Variants in MCU observed in about 807,000 individuals in gnomAD.
MCU encodes the protein calcium uniporter protein, mitochondrial.
Under a neutral mutation model 45.2 loss-of-function variants are expected in MCU, and 12 were observed. That is an observed-to-expected ratio of 0.27 (90% confidence interval 0.17 to 0.43). The LOEUF (loss-of-function observed/expected upper bound fraction) is 0.43. Ranked by LOEUF, MCU falls within the 20% of genes least tolerant of loss-of-function variation. The pLI is 1.00. For missense variants in MCU, 324 were observed against 436.7 expected (o/e 0.74, Z 2.30); for synonymous variants, 160 against 165.1 (o/e 0.97, Z 0.24).
intron 2 of MCU, among the ~76,000 whole-genome samples, chr10:72,851,731 T>C (rs1589496171): frequency 6.6e-6 from 1 of 150,394 alleles, no homozygotes; most frequent in Admixed American, 6.6e-5. Context: ...AATGGCTTGG[T>C]GTAATCCCTT....
Position 72,834,380 on chromosome 10 carries a change from T to C in MCU, c.172T>C (p.Trp58Arg). 6.2e-7 allele frequency: 1 copy of C among 1,613,982 alleles called. No homozygotes were observed. The highest frequency in any genetic ancestry group is 1.3e-5 in the African/African-American group (1 of 75,056). Residue 58 changes from tryptophan (W) to arginine (R), a missense_variant, in exon 2 of 8, where the codon TGG becomes CGG. By Grantham distance (101) the Trp-to-Arg change is moderately radical. Transcript: ENST00000373053. ...CTAGGTACACCAGAGGATCGCTTCC[T>C]GGCAGAATTTGGGAGCTGTTTATTG... The part of the protein sequence containing the change: ...HRTVHQRIAS[W>R]QNLGAVYCST...
chr10:72,813,162 T>C (rs947936804), intron 1 of MCU, among the ~76,000 whole-genome samples: 74 of 152,142 alleles, frequency 4.9e-4, no homozygotes, highest in African/African-American at 1.7e-3. Context: ...AATGAGAGCT[T>C]TTGGCAAGGC....
At chr10:72,734,815 A>C (rs1843229753) in intron 1 of MCU, among the ~76,000 whole-genome samples, 1 of 151,746 alleles carries the variant, frequency 6.6e-6, no homozygotes, top group Non-Finnish European at 1.5e-5. Flanking sequence ...GACAGGTCTC[A>C]CTATGTTGCC....
intron 1 of MCU, among the ~76,000 whole-genome samples, chr10:72,805,943 G>A (rs1844441661): frequency 6.6e-6 from 1 of 152,162 alleles, no homozygotes; most frequent in Non-Finnish European, 1.5e-5. Flanking sequence ...AATTGAATGA[G>A]GTCTGCAGAA....
chr10:72,839,429 T>G (rs1349620462), intron 2 of MCU, among the ~76,000 whole-genome samples: 1 of 152,164 alleles, frequency 6.6e-6, no homozygotes, highest in Non-Finnish European at 1.5e-5. Context: ...TCTCTGTAGT[T>G]AAACCTTTTC....
At position 72,692,166 on chromosome 10, in the gene MCU, A is replaced by C. The variant is rs777343820; in HGVS notation, c.15A>C (p.Ala5=). 7.8e-7 allele frequency: 1 copy of C among 1,290,256 alleles called. No individual in the cohort carries two copies. Among genetic ancestry groups the C allele is most frequent in the Non-Finnish European group, 9.9e-7 (1 of 1,011,974 alleles). The allele number at this position is 1,290,256 out of a possible 1,614,324, so 79.9% of individuals were successfully genotyped here. Residue 5 remains alanine (A), a synonymous_variant, in exon 1 of 8, where the codon GCA becomes GCC. Transcript: ENST00000373053. The part of the protein sequence containing the change: MAAA[A]GRSLLLLLSS... Reference sequence around the variant, plus strand: ...CCAGTTGAGAGATGGCGGCCGCCGCAGGTAGATCGCTCCTGCTGCTCCTCT... The same window carrying C: ...CCAGTTGAGAGATGGCGGCCGCCGCCGGTAGATCGCTCCTGCTGCTCCTCT...
At chr10:72,826,245 G>A (rs540206165) in intron 1 of MCU, among the ~76,000 whole-genome samples, 2 of 152,098 alleles carry the variant, frequency 1.3e-5, no homozygotes, top group South Asian at 2.1e-4. Flanking sequence ...ACTACATTTC[G>A]AGTAGCCATT....
At chr10:72,824,205 T>TC (rs1314548353) in intron 1 of MCU, among the ~76,000 whole-genome samples, 1 of 151,494 alleles carries the variant, frequency 6.6e-6, no homozygotes, top group East Asian at 1.9e-4. Flanking sequence ...TTCTTTTTTT[T>TC]TTTTTTTTGA....
At chr10:72,757,678 G>A (rs1398153496) in intron 1 of MCU, among the ~76,000 whole-genome samples, 1 of 152,128 alleles carries the variant, frequency 6.6e-6, no homozygotes, top group Non-Finnish European at 1.5e-5. Flanking sequence ...AGAGTTATTT[G>A]ATAATATAAG....
At chr10:72,744,596 C>T (rs1245894124) in intron 1 of MCU, among the ~76,000 whole-genome samples, 2 of 152,210 alleles carry the variant, frequency 1.3e-5, no homozygotes, top group African/African-American at 4.8e-5. Context: ...TGCCACTGCA[C>T]TCCAGCCTGG....
intron 1 of MCU, among the ~76,000 whole-genome samples, chr10:72,701,775 C>T (rs566146205): frequency 4.6e-5 from 7 of 152,114 alleles, no homozygotes; most frequent in Middle Eastern, 6.8e-3. Context: ...TCATGATCTT[C>T]CTGCCTCGGC....
intron 1 of MCU, among the ~76,000 whole-genome samples, chr10:72,710,201 C>T (rs1387295136): frequency 6.6e-6 from 1 of 152,164 alleles, no homozygotes; most frequent in African/African-American, 2.4e-5. Flanking sequence ...TGGTCTTGAT[C>T]TCCTGACCTC....
At chr10:72,692,370 C>T in intron 1 of MCU, 69 bp downstream of exon 1, 5 of 1,125,810 alleles carry the variant, frequency 4.4e-6, no homozygotes, top group Non-Finnish European at 5.5e-6. Context: ...CGCCGGCGGG[C>T]AGGCCGCCGG....
At chr10:72,693,187 T>A in intron 1 of MCU, 1 of 920,644 alleles carries the variant, frequency 1.1e-6, no homozygotes, top group East Asian at 2.6e-5. Context: ...TGTGTGTGTG[T>A]GTGTGTGTGT....
At chr10:72,738,874 A>G (rs1310730211) in intron 1 of MCU, among the ~76,000 whole-genome samples, 1 of 152,122 alleles carries the variant, frequency 6.6e-6, no homozygotes, top group African/African-American at 2.4e-5. Flanking sequence ...CTTTGTTCAC[A>G]TCTTTTTGTG....
At chr10:72,759,408 G>A (rs1843623571) in intron 1 of MCU, among the ~76,000 whole-genome samples, 1 of 152,180 alleles carries the variant, frequency 6.6e-6, no homozygotes, top group Non-Finnish European at 1.5e-5. Context: ...GTCGGGGTCA[G>A]TCTTTAACTA....
chr10:72,713,272 G>GT (rs1355962040), intron 1 of MCU, among the ~76,000 whole-genome samples: 12 of 152,126 alleles, frequency 7.9e-5, no homozygotes, highest in South Asian at 2.1e-4. Context: ...TAATGGGAGA[G>GT]TTTTTTTTGT....
chr10:72,837,379 A>G (rs1291272411), intron 2 of MCU, among the ~76,000 whole-genome samples: 2 of 152,172 alleles, frequency 1.3e-5, no homozygotes, highest in Admixed American at 1.3e-4. Context: ...CTTTCATGAG[A>G]GGCAATCTGC....
rs558079579 is a variant in MCU at position 72,801,186 on chromosome 10, A to G, written c.151-33173A>G. On this transcript the variant is annotated intron_variant, in intron 1 of 7. Coordinates refer to ENST00000373053, the MANE Select transcript of MCU (RefSeq NM_138357.3). ...GTGGGGATAGGTAGAGGCCATATTC[A>G]TAGTACTTTGGGCAGTGTTCTCTAG... 5.9e-5 allele frequency among the ~76,000 whole-genome samples: 9 copies of G among 152,292 alleles called. No homozygotes were observed. The East Asian group carries it at 1.3e-3, about 23-fold the overall frequency.
Sources: allele counts gnomAD v4.1 joint callset (sites outside exome capture counted in the v4.1 genomes callset), GRCh38; gene constraint gnomAD v4.1.1; transcripts MANE v1.5; gene names NCBI Gene and HGNC (gene_info 2026-07-23, HGNC 2026-07-21).